The following CELF4 variants were observed in gnomAD, a reference collection of about 807,000 sequenced individuals.
CELF4 encodes CUG-BP- and ETR-3-like factor 4.
CELF4 carries 18 observed loss-of-function variants against 59.9 expected under a neutral mutation model. The observed-to-expected ratio is 0.30, with a 90% CI of 0.21 to 0.45. CELF4 has a LOEUF of 0.45. CELF4 is among the 20% of genes least tolerant of loss of function. The pLI, the probability that CELF4 is intolerant of heterozygous loss-of-function variation, is 1.00. For synonymous variants in CELF4, 261 were observed against 267.1 expected, an observed-to-expected ratio of 0.98 and a Z score of 0.22; for missense variants, 456 against 689.0, an observed-to-expected ratio of 0.66 and a Z score of 3.79.
intron 2 of CELF4, among the ~76,000 whole-genome samples, chr18:37,418,345 T>A (rs954452434): frequency 1.3e-5 from 2 of 152,224 alleles, no homozygotes; most frequent in East Asian, 1.9e-4. Flanking sequence ...CCACAAGCAG[T>A]CAGCATATCC....
Position 37,470,836 on chromosome 18 carries a change from C to CTGTGTGTGTGTG in CELF4, c.369+14677_369+14688dup, listed in dbSNP as rs71381583. Among the ~76,000 whole-genome samples, 39 of 93,194 alleles carry CTGTGTGTGTGTG rather than the reference C, an allele frequency of 4.2e-4. 1 individual carries two copies. Among genetic ancestry groups the CTGTGTGTGTGTG allele is most frequent in the African/African-American group, 7.4e-4 (17 of 23,006 alleles). 61.1% of individuals were successfully genotyped at this position (93,194 alleles called of 152,430 possible). On this transcript the variant is annotated intron_variant, in intron 2 of 12. Transcript: ENST00000420428. ...AGGCAGATCCTGACTCTTCATGACT[C>CTGTGTGTGTGTG]TGTGTGTGTGTGTGTGTGTGTGTGT...
intron 3 of CELF4, chr18:37,305,654 C>G (rs962646301): frequency 3.3e-5 from 5 of 152,256 alleles, no homozygotes; most frequent in African/African-American, 1.2e-4. Context: ...TTCCTAAGTG[C>G]ACCACCCACC....
intron 1 of CELF4, among the ~76,000 whole-genome samples, chr18:37,528,626 GGT>G (rs1381912592): frequency 6.6e-6 from 1 of 152,108 alleles, no homozygotes; most frequent in Non-Finnish European, 1.5e-5. Flanking sequence ...AGTGTGTGTG[GGT>G]GTGTTTGTGT....
At chr18:37,334,796 G>C (rs1206894250) in intron 2 of CELF4, among the ~76,000 whole-genome samples, 1 of 152,038 alleles carries the variant, frequency 6.6e-6, no homozygotes, top group African/African-American at 2.4e-5. Context: ...GAGCAGGAAA[G>C]AGTCCCCAGG....
intron 2 of CELF4, among the ~76,000 whole-genome samples, chr18:37,380,469 C>G (rs2099023974): frequency 1.3e-5 from 2 of 152,190 alleles, no homozygotes; most frequent in South Asian, 4.1e-4. Context: ...TACAAGTAAA[C>G]CATCAGTCAT....
chr18:37,555,620 T>C (rs1213148846), intron 1 of CELF4, among the ~76,000 whole-genome samples: 1 of 152,212 alleles, frequency 6.6e-6, no homozygotes, highest in Non-Finnish European at 1.5e-5. Flanking sequence ...ATGATACAGT[T>C]TCTGGTTATA....
chr18:37,488,213 C>A (rs1168252162), intron 1 of CELF4, among the ~76,000 whole-genome samples: 1 of 152,186 alleles, frequency 6.6e-6, no homozygotes, highest in African/African-American at 2.4e-5. Context: ...TAGCATAGCC[C>A]TGCACCCACA....
intron 2 of CELF4, among the ~76,000 whole-genome samples, chr18:37,347,071 C>T (rs1296279898): frequency 1.3e-5 from 2 of 152,026 alleles, no homozygotes; most frequent in Non-Finnish European, 2.9e-5. Flanking sequence ...GAGAGGGAGC[C>T]TCCTGGACCT....
At chr18:37,259,410 G>A (rs2072789441) in intron 10 of CELF4, 146 bp from the exon 11 acceptor site, 3 of 611,608 alleles carry the variant, frequency 4.9e-6, no homozygotes, top group Non-Finnish European at 8.8e-6. Context: ...CAGATCCAAG[G>A]GCGCCCCAGA....
intron 11 of CELF4, among the ~76,000 whole-genome samples, chr18:37,256,137 T>C (rs1036878001): frequency 2.6e-5 from 4 of 152,220 alleles, no homozygotes; most frequent in Admixed American, 1.3e-4. Flanking sequence ...CCGTCTTCCT[T>C]CTTCCAGAGC....
At chr18:37,394,124 C>T (rs1329772714) in intron 2 of CELF4, among the ~76,000 whole-genome samples, 1 of 152,108 alleles carries the variant, frequency 6.6e-6, no homozygotes, top group East Asian at 1.9e-4. Context: ...GCTCGGGGAC[C>T]GGCCCGACGG....
chr18:37,467,216 C>A (rs886096147), intron 2 of CELF4, among the ~76,000 whole-genome samples: 12 of 152,160 alleles, frequency 7.9e-5, no homozygotes, highest in African/African-American at 2.9e-4. Flanking sequence ...CATCAGAGTG[C>A]CCTCCTTTTA....
chr18:37,304,345 C>A (rs542224762), intron 3 of CELF4, among the ~76,000 whole-genome samples: 1 of 152,158 alleles, frequency 6.6e-6, no homozygotes, highest in Non-Finnish European at 1.5e-5. Context: ...ACTGACCAGG[C>A]CCCAGGGGGT....
chr18:37,418,918 T>A (rs573138204), intron 2 of CELF4, among the ~76,000 whole-genome samples: 2 of 152,306 alleles, frequency 1.3e-5, no homozygotes, highest in African/African-American at 4.8e-5. Context: ...GCTTGATAAT[T>A]TCTTCTGGAA....
intron 2 of CELF4, among the ~76,000 whole-genome samples, chr18:37,396,648 T>C (rs1394895608): frequency 1.3e-5 from 2 of 152,166 alleles, no homozygotes; most frequent in Non-Finnish European, 2.9e-5. Flanking sequence ...GTCTTGCCAG[T>C]GTCCTTATAA....
At chr18:37,564,998 C>T (rs2099987746) in intron 1 of CELF4, among the ~76,000 whole-genome samples, 1 of 152,064 alleles carries the variant, frequency 6.6e-6, no homozygotes, top group Non-Finnish European at 1.5e-5. Flanking sequence ...GCGAGTCCGT[C>T]CGCTCAGCGT....
At chr18:37,464,345 C>A (rs146482161) in intron 2 of CELF4, among the ~76,000 whole-genome samples, 4 of 152,312 alleles carry the variant, frequency 2.6e-5, no homozygotes, top group East Asian at 3.9e-4. Context: ...GCCTTTCTAT[C>A]TGGGAGGCCT....
chr18:37,257,084 A>AG (rs750236123), intron 11 of CELF4, among the ~76,000 whole-genome samples: 4 of 150,058 alleles, frequency 2.7e-5, no homozygotes, highest in Non-Finnish European at 4.5e-5. Context: ...CTAATTAGAG[A>AG]GAAAAAAAAA....
chr18:37,371,006 G>A (rs904426300), intron 2 of CELF4, among the ~76,000 whole-genome samples: 3 of 152,162 alleles, frequency 2.0e-5, no homozygotes, highest in African/African-American at 7.2e-5. Flanking sequence ...CTATTGAGCT[G>A]TCAGGAGAAG....
Sources: allele counts gnomAD v4.1 joint callset (sites outside exome capture counted in the v4.1 genomes callset), GRCh38; gene constraint gnomAD v4.1.1; transcripts MANE v1.5; gene names NCBI Gene and HGNC (gene_info 2026-07-23, HGNC 2026-07-21).